Variants in MRPS27 observed in about 807,000 individuals in gnomAD.
MRPS27 encodes small ribosomal subunit protein mS27.
MRPS27 carries 43 observed loss-of-function variants against 48.9 expected under a neutral mutation model. That is an observed-to-expected ratio of 0.88 (90% CI 0.69 to 1.13). MRPS27 has a LOEUF of 1.13. Ranked by LOEUF, MRPS27 falls within the 50% of genes most tolerant of loss-of-function variation. The pLI is 0.00. For synonymous variants in MRPS27, 188 were observed against 171.9 expected, an observed-to-expected ratio of 1.09 and a Z score of -0.73; for missense variants, 467 against 476.3, an observed-to-expected ratio of 0.98 and a Z score of 0.18.
intron 4 of MRPS27, among the ~76,000 whole-genome samples, chr5:72,258,830 T>C (rs1446556365): frequency 2.6e-5 from 4 of 152,146 alleles, no homozygotes; most frequent in African/African-American, 7.2e-5. Flanking sequence ...CAGCACAAAA[T>C]AGACTATGAC....
intron 4 of MRPS27, among the ~76,000 whole-genome samples, chr5:72,286,255 C>A (rs73127290): frequency 1.3e-5 from 2 of 151,806 alleles, no homozygotes; most frequent in African/African-American, 4.8e-5. Flanking sequence ...AAAATTGATA[C>A]GGAATGGAAA....
chr5:72,233,981 A>C (rs1748130418), intron 6 of MRPS27, 138 bp downstream of exon 6: 1 of 918,056 alleles, frequency 1.1e-6, no homozygotes, highest in Non-Finnish European at 1.5e-6. Flanking sequence ...ATAAAAGATA[A>C]TCATCAAAAC....
chr5:72,223,943 T>G, intron 9 of MRPS27, 93 bp from the exon 10 acceptor site: 2 of 1,266,616 alleles, frequency 1.6e-6, no homozygotes. Context: ...AAAGGAAGAA[T>G]GAGCTCTAAA....
chr5:72,240,627 T>C (rs1748324975), intron 4 of MRPS27, among the ~76,000 whole-genome samples: 1 of 152,148 alleles, frequency 6.6e-6, no homozygotes, highest in Non-Finnish European at 1.5e-5. Flanking sequence ...ACCTTTCTCT[T>C]ATTCATGATC....
chr5:72,264,779 T>C (rs1208391256), intron 4 of MRPS27, among the ~76,000 whole-genome samples: 1 of 152,242 alleles, frequency 6.6e-6, no homozygotes, highest in Non-Finnish European at 1.5e-5. Context: ...AGGGAAAGGA[T>C]GGCTCTACTG....
At chr5:72,236,866 C>G (rs1748209633) in intron 5 of MRPS27, among the ~76,000 whole-genome samples, 1 of 151,908 alleles carries the variant, frequency 6.6e-6, no homozygotes. Context: ...TCCTTCCAAT[C>G]AGATTCCCTC....
chr5:72,229,824 T>C (rs907638049), intron 7 of MRPS27, among the ~76,000 whole-genome samples: 2 of 152,356 alleles, frequency 1.3e-5, no homozygotes, highest in East Asian at 3.9e-4. Context: ...GCTGCTTATA[T>C]GAAGCTATTC....
At chr5:72,261,453 T>C (rs1009391461) in intron 4 of MRPS27, among the ~76,000 whole-genome samples, 5 of 151,994 alleles carry the variant, frequency 3.3e-5, no homozygotes, top group Admixed American at 3.3e-4. Context: ...TTTTACCATG[T>C]TGGCCAGGCT....
intron 7 of MRPS27, chr5:72,228,701 A>T (rs971801447): frequency 2.0e-5 from 4 of 199,696 alleles, no homozygotes; most frequent in Non-Finnish European, 4.0e-5. Flanking sequence ...AACAAAACAC[A>T]AATAAAGAGT....
chr5:72,241,783 G>A (rs993436402), intron 4 of MRPS27: 5 of 1,211,796 alleles, frequency 4.1e-6, no homozygotes, highest in South Asian at 1.3e-5. Context: ...CGCCTGCTCT[G>A]ACCACCAGCC....
chr5:72,263,946 G>A (rs76692230), intron 4 of MRPS27, among the ~76,000 whole-genome samples: 165 of 152,238 alleles, frequency 1.1e-3, no homozygotes, highest in African/African-American at 3.9e-3. Flanking sequence ...GTACATGCAT[G>A]TTCGTAGCAG....
At chr5:72,223,544 C>T in intron 10 of MRPS27, 139 bp downstream of exon 10, 1 of 1,057,992 alleles carries the variant, frequency 9.5e-7, no homozygotes, top group Non-Finnish European at 1.4e-6. Flanking sequence ...CTGTGCAAAG[C>T]AATAAAAATG....
At position 72,232,556 on chromosome 5, in the gene MRPS27, C is replaced by T. The variant is rs1392215896; in HGVS notation, c.478G>A (p.Ala160Thr). The change falls in exon 7 of 11, where the codon GCT (alanine) becomes ACT (threonine). Residue 160 changes from alanine to threonine, a missense_variant and splice_region_variant. Coordinates refer to ENST00000261413, the MANE Select transcript of MRPS27 (RefSeq NM_015084.3). ...ATGACCTCAAAAACCACAGATAAAG[C>T]ATCTAGCAGAAGATGAAAGTAAAAA... ...SFIKKENYKDALSVVFEVMMQ... is the reference protein window; with the variant it reads ...SFIKKENYKDTLSVVFEVMMQ... The T allele has an allele frequency of 9.4e-6, 15 of 1,599,926 alleles. No individual in the cohort carries two copies. In the East Asian group the frequency reaches 3.4e-4, roughly 36 times the overall value.
At chr5:72,269,195 G>A (rs1749172727) in intron 4 of MRPS27, among the ~76,000 whole-genome samples, 1 of 152,186 alleles carries the variant, frequency 6.6e-6, no homozygotes, top group Non-Finnish European at 1.5e-5. Flanking sequence ...TAGCCACTGT[G>A]TACTAAGGTA....
intron 3 of MRPS27, among the ~76,000 whole-genome samples, chr5:72,296,650 C>T (rs1322054851): frequency 6.6e-6 from 1 of 152,176 alleles, no homozygotes; most frequent in Non-Finnish European, 1.5e-5. Context: ...TTCCATTCTC[C>T]TCCAATATGC....
intron 4 of MRPS27, among the ~76,000 whole-genome samples, chr5:72,242,061 A>G (rs1449744428): frequency 6.6e-6 from 1 of 152,228 alleles, no homozygotes; most frequent in Non-Finnish European, 1.5e-5. Context: ...TTGGAGGAGC[A>G]TAAGAAAGAG....
intron 4 of MRPS27, among the ~76,000 whole-genome samples, chr5:72,253,019 T>C (rs1345858490): frequency 6.6e-6 from 1 of 152,208 alleles, no homozygotes; most frequent in African/African-American, 2.4e-5. Context: ...CTAACTTGTA[T>C]GAAGACTTCC....
intron 7 of MRPS27, among the ~76,000 whole-genome samples, chr5:72,229,887 T>C (rs866643985): frequency 6.6e-6 from 1 of 152,162 alleles, no homozygotes; most frequent in African/African-American, 2.4e-5. Context: ...TTCTTTTCTT[T>C]TCTTTTTTTC....
intron 4 of MRPS27, among the ~76,000 whole-genome samples, chr5:72,275,785 C>T (rs546378719): frequency 8.5e-5 from 13 of 152,118 alleles, no homozygotes; most frequent in East Asian, 1.9e-4. Flanking sequence ...GGGGTTGGGC[C>T]GTACAATTTA....
Sources: allele counts gnomAD v4.1 joint callset (sites outside exome capture counted in the v4.1 genomes callset), GRCh38; gene constraint gnomAD v4.1.1; transcripts MANE v1.5; gene names NCBI Gene and HGNC (gene_info 2026-07-23, HGNC 2026-07-21).